TRPM3: variants seen among roughly 807,000 people sequenced by gnomAD.
TRPM3 encodes transient receptor potential cation channel subfamily M member 3, also known as long transient receptor potential channel 3.
In TRPM3, 77 loss-of-function variants were observed where a neutral mutation model predicts 181.2. That is an observed-to-expected ratio of 0.42 (90% confidence interval 0.35 to 0.51). The LOEUF is 0.51. Ranked by LOEUF, TRPM3 falls within the 20% of genes least tolerant of loss-of-function variation. The pLI is 0.01. For missense variants in TRPM3, 1,759 were observed against 2,196.7 expected (o/e 0.80, Z 3.98); for synonymous variants, 745 against 796.4 (o/e 0.94, Z 1.09).
At chr9:70,846,672 G>A (rs1449974828) in intron 3 of TRPM3, 81 bp from the exon 4 acceptor site, 2 of 1,126,620 alleles carry the variant, frequency 1.8e-6, no homozygotes, top group Non-Finnish European at 2.6e-6. Flanking sequence ...GCAATTATAT[G>A]TGTAGTTATG....
intron 22 of TRPM3, among the ~76,000 whole-genome samples, chr9:70,577,173 A>C (rs1426082346): frequency 2.0e-5 from 3 of 152,252 alleles, no homozygotes; most frequent in South Asian, 2.1e-4. Context: ...ACTGCTATGA[A>C]GTACATGCCA....
At chr9:70,772,548 C>T (rs1272735388) in intron 7 of TRPM3, among the ~76,000 whole-genome samples, 1 of 152,114 alleles carries the variant, frequency 6.6e-6, no homozygotes, top group African/African-American at 2.4e-5. Flanking sequence ...GTCTCGAACT[C>T]CTGAGCTCAA....
At chr9:71,108,778 T>C (rs1312840150) in intron 1 of TRPM3, among the ~76,000 whole-genome samples, 14 of 152,300 alleles carry the variant, frequency 9.2e-5, no homozygotes, top group Admixed American at 7.2e-4. Flanking sequence ...ATTTTAGAGG[T>C]TAACTTTAGA....
chr9:70,615,832 G>T, intron 18 of TRPM3, 76 bp downstream of exon 18: 1 of 1,435,312 alleles, frequency 7.0e-7, no homozygotes, highest in African/African-American at 1.4e-5. Context: ...AGGAGTTACT[G>T]AATCTTGAGC....
At chr9:71,106,686 T>A (rs1181327323) in intron 1 of TRPM3, among the ~76,000 whole-genome samples, 1 of 152,230 alleles carries the variant, frequency 6.6e-6, no homozygotes, top group Non-Finnish European at 1.5e-5. Context: ...CCTAACATTT[T>A]ATAGCTGTCC....
chr9:70,611,950 C>CCTAA (rs1179315519), intron 18 of TRPM3, among the ~76,000 whole-genome samples: 2 of 152,196 alleles, frequency 1.3e-5, no homozygotes, highest in African/African-American at 4.8e-5. Flanking sequence ...GAGACTGAAT[C>CCTAA]CTAACTCAGA....
intron 22 of TRPM3, among the ~76,000 whole-genome samples, chr9:70,556,734 C>T (rs555710217): frequency 6.6e-6 from 1 of 152,066 alleles, no homozygotes; most frequent in South Asian, 2.1e-4. Context: ...AAACAAAAAC[C>T]CCCCTCAAAA....
At chr9:70,898,712 C>T (rs1253425034) in intron 1 of TRPM3, among the ~76,000 whole-genome samples, 1 of 134,990 alleles carries the variant, frequency 7.4e-6, no homozygotes, top group Admixed American at 8.0e-5. Flanking sequence ...CGTGCCATTG[C>T]ACTCCAGTTT....
intron 9 of TRPM3, among the ~76,000 whole-genome samples, chr9:70,652,039 A>G (rs543583815): frequency 1.6e-4 from 25 of 152,198 alleles, no homozygotes; most frequent in Admixed American, 3.3e-4. Context: ...AAGGAGGAAT[A>G]TGAATAGATC....
At chr9:70,794,621 T>A (rs770004531) in intron 6 of TRPM3, among the ~76,000 whole-genome samples, 2 of 152,230 alleles carry the variant, frequency 1.3e-5, no homozygotes, top group Admixed American at 6.5e-5. Flanking sequence ...GGGCAGAATC[T>A]TCTGTATTCT....
rs529659890 is a variant in TRPM3, at chr9:70,602,961, C to G, written c.2796+381G>C. Among the ~76,000 whole-genome samples, 6 of 152,240 alleles carry G rather than the reference C, an allele frequency of 3.9e-5. No homozygotes were observed. The South Asian group carries it at 1.2e-3, about 32-fold the overall frequency. The stretch of plus-strand genomic sequence containing the variant: ...TCCTCCTAAAGCAGCCGAAATACAT[C>G]CAGAGAGTCACAGGTATTGGCAGAC... On this transcript the variant is annotated intron_variant, in intron 20 of 25. Transcript: ENST00000677713.
intron 20 of TRPM3, among the ~76,000 whole-genome samples, chr9:70,602,968 G>T (rs1015268884): frequency 3.3e-5 from 5 of 152,216 alleles, no homozygotes; most frequent in Non-Finnish European, 5.9e-5. Flanking sequence ...CATCCAGAGA[G>T]TCACAGGTAT....
At chr9:70,613,775 A>C (rs1460564306) in intron 18 of TRPM3, among the ~76,000 whole-genome samples, 1 of 152,128 alleles carries the variant, frequency 6.6e-6, no homozygotes, top group Non-Finnish European at 1.5e-5. Context: ...TCTTGTTACT[A>C]AACTTTGCTC....
At chr9:71,096,446 C>T (rs1459662836) in intron 1 of TRPM3, among the ~76,000 whole-genome samples, 1 of 151,036 alleles carries the variant, frequency 6.6e-6, no homozygotes, top group South Asian at 2.1e-4. Context: ...TACTATGTTG[C>T]CTCTGGGTGC....
chr9:71,240,567 A>T (rs950553990), intron 1 of TRPM3, among the ~76,000 whole-genome samples: 32 of 152,298 alleles, frequency 2.1e-4, no homozygotes, highest in African/African-American at 7.0e-4. Flanking sequence ...CAAATAGTCC[A>T]TGAAAGTGTC....
chr9:71,239,312 G>T (rs1028140774), intron 1 of TRPM3, among the ~76,000 whole-genome samples: 1 of 151,830 alleles, frequency 6.6e-6, no homozygotes, highest in Admixed American at 6.6e-5. Flanking sequence ...ATACTTTAGG[G>T]CACTTCCGAA....
intron 1 of TRPM3, among the ~76,000 whole-genome samples, chr9:70,956,756 C>T (rs2097077290): frequency 6.6e-6 from 1 of 151,712 alleles, no homozygotes; most frequent in Admixed American, 6.6e-5. Flanking sequence ...TGAAGTAGCA[C>T]TCATCTATAG....
chr9:71,248,330 G>C (rs566795278), intron 1 of TRPM3, among the ~76,000 whole-genome samples: 119 of 152,298 alleles, frequency 7.8e-4, no homozygotes, highest in South Asian at 1.9e-3. Context: ...TGGCTGCAGG[G>C]CCTCTGGGTA....
chr9:71,125,510 C>A (rs1000994056), upstream of TRPM3, among the ~76,000 whole-genome samples: 1 of 152,172 alleles, frequency 6.6e-6, no homozygotes, highest in African/African-American at 2.4e-5. Context: ...ATCCATGTCA[C>A]TGCAAAGGAC....
Sources: allele counts gnomAD v4.1 joint callset (sites outside exome capture counted in the v4.1 genomes callset), GRCh38; gene constraint gnomAD v4.1.1; transcripts MANE v1.5; gene names NCBI Gene and HGNC (gene_info 2026-07-23, HGNC 2026-07-21).